The following TRIM33 variants were observed in gnomAD, a reference collection of about 807,000 sequenced individuals.
TRIM33 encodes the protein tripartite motif containing 33, also known as E3 ubiquitin-protein ligase TRIM33.
A neutral mutation model predicts 125.4 loss-of-function variants in TRIM33; 20 were observed. That is an observed-to-expected ratio of 0.16 (90% CI 0.11 to 0.23). TRIM33 has a LOEUF of 0.23. Among genes scored for constraint, TRIM33 ranks in the 10% least tolerant of loss-of-function variants. The pLI, the probability that TRIM33 is intolerant of heterozygous loss-of-function variation, is 1.00. For missense variants in TRIM33, 920 were observed against 1,411.4 expected, an observed-to-expected ratio of 0.65 and a Z score of 5.58; for synonymous variants, 564 against 513.9, an observed-to-expected ratio of 1.10 and a Z score of -1.32.
intron 10 of TRIM33, among the ~76,000 whole-genome samples, chr1:114,423,510 A>G (rs1202155422): frequency 6.6e-6 from 1 of 152,036 alleles, no homozygotes; most frequent in Non-Finnish European, 1.5e-5. Flanking sequence ...TTAAACCTAT[A>G]ATGGAAATTT....
intron 4 of TRIM33, among the ~76,000 whole-genome samples, chr1:114,455,799 G>A (rs952378891): frequency 6.6e-6 from 1 of 152,116 alleles, no homozygotes; most frequent in African/African-American, 2.4e-5. Context: ...AAAAAGCCAG[G>A]GAACAAAGAT....
chr1:114,447,765 A>G (rs1572065690), intron 4 of TRIM33, among the ~76,000 whole-genome samples: 1 of 152,372 alleles, frequency 6.6e-6, no homozygotes, highest in Admixed American at 6.5e-5. Context: ...CTGGTAGCCA[A>G]GTACATAAAT....
intron 1 of TRIM33, among the ~76,000 whole-genome samples, chr1:114,465,456 A>G (rs1490378542): frequency 6.6e-6 from 1 of 152,236 alleles, no homozygotes; most frequent in Admixed American, 6.5e-5. Flanking sequence ...TGTGTAGTAC[A>G]CAAACTGTAG....
intron 11 of TRIM33, among the ~76,000 whole-genome samples, chr1:114,417,610 A>AT (rs1653018019): frequency 2.0e-5 from 3 of 152,264 alleles, no homozygotes; most frequent in South Asian, 4.1e-4. Flanking sequence ...AACTGGATTT[A>AT]TAATTAGTAG....
At chr1:114,406,433 C>A (rs551471764) in intron 14 of TRIM33, among the ~76,000 whole-genome samples, 39 of 152,184 alleles carry the variant, frequency 2.6e-4, no homozygotes, top group Non-Finnish European at 4.3e-4. Flanking sequence ...AGGGGCTTGG[C>A]CTTCCTTCAT....
Position 114,394,460 on chromosome 1 carries a change from T to C in TRIM33, c.*3188A>G, listed in dbSNP as rs1420453749. The C allele has an allele frequency of 9.2e-6, 2 of 216,918 alleles. No homozygotes were observed. The highest frequency in any genetic ancestry group is 4.5e-5 in the African/African-American group (2 of 44,444). 13.4% of individuals were successfully genotyped at this position (216,918 alleles called of 1,614,324 possible). On this transcript the variant is annotated 3_prime_UTR_variant, in exon 20 of 20. Coordinates refer to ENST00000358465, the MANE Select transcript of TRIM33 (RefSeq NM_015906.4). ...CATGGCAGGATACCTGCTGAGGTAA[T>C]TGATAAATCTACAATTTGCACACTT...
chr1:114,458,691 T>C (rs1206978739), intron 4 of TRIM33, among the ~76,000 whole-genome samples: 3 of 152,216 alleles, frequency 2.0e-5, no homozygotes, highest in Non-Finnish European at 4.4e-5. Flanking sequence ...TCTGCAATTA[T>C]TAAACTCTTT....
intron 1 of TRIM33, among the ~76,000 whole-genome samples, chr1:114,491,971 CATTTAGGGCCATTTGAAGCA>C (rs1380633748): frequency 6.6e-6 from 1 of 152,150 alleles, no homozygotes; most frequent in African/African-American, 2.4e-5. Flanking sequence ...AGCTTTATTA[CATTTAGGGCCATTTGAAGCA>C]GTGAAGTCAA....
At chr1:114,419,246 GAAAAAGAA>G (rs1653128534) in intron 11 of TRIM33, among the ~76,000 whole-genome samples, 1 of 138,144 alleles carries the variant, frequency 7.2e-6, no homozygotes, top group Non-Finnish European at 1.6e-5. Flanking sequence ...AAAAGAAAAA[GAAAAAGAA>G]AAACTCCTAA....
intron 8 of TRIM33, among the ~76,000 whole-genome samples, chr1:114,426,049 T>C (rs978900391): frequency 6.6e-6 from 1 of 152,194 alleles, no homozygotes; most frequent in African/African-American, 2.4e-5. Flanking sequence ...AATTCTCCCA[T>C]GACAAGACTT....
At chr1:114,448,020 G>A (rs1649093595) in intron 4 of TRIM33, among the ~76,000 whole-genome samples, 1 of 152,058 alleles carries the variant, frequency 6.6e-6, no homozygotes, top group African/African-American at 2.4e-5. Context: ...CTGATGGCAA[G>A]GAAAGGAAGT....
chr1:114,426,370 T>C (rs556201670), intron 8 of TRIM33, among the ~76,000 whole-genome samples: 1 of 152,302 alleles, frequency 6.6e-6, no homozygotes, highest in Non-Finnish European at 1.5e-5. Context: ...TCCTTGGTTT[T>C]TGTTTGCTTT....
chr1:114,480,986 A>AT (rs1651295319), intron 1 of TRIM33, among the ~76,000 whole-genome samples: 1 of 152,126 alleles, frequency 6.6e-6, no homozygotes, highest in African/African-American at 2.4e-5. Context: ...AGTCTGGCCA[A>AT]CATGGTGAAA....
At chr1:114,477,397 G>A (rs1277163745) in intron 1 of TRIM33, among the ~76,000 whole-genome samples, 1 of 150,930 alleles carries the variant, frequency 6.6e-6, no homozygotes, top group African/African-American at 2.4e-5. Context: ...AACCAGGCAT[G>A]TCATTTACCA....
intron 16 of TRIM33, 82 bp downstream of exon 16, chr1:114,402,678 T>C (rs1651973781): frequency 6.9e-7 from 1 of 1,445,978 alleles, no homozygotes; most frequent in Non-Finnish European, 9.4e-7. Flanking sequence ...GTTTTGTGTA[T>C]GCTACACAGG....
intron 11 of TRIM33, among the ~76,000 whole-genome samples, chr1:114,410,922 T>C (rs1445694536): frequency 6.6e-6 from 1 of 152,244 alleles, no homozygotes; most frequent in East Asian, 1.9e-4. Flanking sequence ...ACATGCCACC[T>C]ATATTGCAGA....
intron 4 of TRIM33, among the ~76,000 whole-genome samples, chr1:114,441,666 G>C (rs1648662657): frequency 6.6e-6 from 1 of 152,108 alleles, no homozygotes. Context: ...TTTATTCTTT[G>C]CAATAATTTT....
intron 6 of TRIM33, among the ~76,000 whole-genome samples, 154 bp from the exon 7 acceptor site, chr1:114,428,048 A>G (rs1247773218): frequency 6.6e-6 from 1 of 152,250 alleles, no homozygotes; most frequent in African/African-American, 2.4e-5. Context: ...CATCAGAGGA[A>G]AAGCCACTAA....
intron 11 of TRIM33, 119 bp downstream of exon 11, chr1:114,421,317 C>G: frequency 1.0e-6 from 1 of 967,136 alleles, no homozygotes; most frequent in Non-Finnish European, 1.5e-6. Flanking sequence ...AGACTTTACT[C>G]TTCAGAAATT....
Sources: allele counts gnomAD v4.1 joint callset (sites outside exome capture counted in the v4.1 genomes callset), GRCh38; gene constraint gnomAD v4.1.1; transcripts MANE v1.5; gene names NCBI Gene and HGNC (gene_info 2026-07-23, HGNC 2026-07-21).